ERCC6L2: variants seen among roughly 807,000 people sequenced by gnomAD.
ERCC6L2 encodes ERCC excision repair 6 like 2.
Under a neutral mutation model 132.0 loss-of-function variants are expected in ERCC6L2, and 77 were observed. That is an observed-to-expected ratio of 0.58 (90% CI 0.49 to 0.71). The LOEUF (loss-of-function observed/expected upper bound fraction) is 0.71, where lower values mean the gene tolerates loss of function less well. Ranked by LOEUF, ERCC6L2 falls within the 30% of genes least tolerant of loss-of-function variation. ERCC6L2 has a pLI of 0.00. For synonymous variants in ERCC6L2, 583 were observed against 632.4 expected, an observed-to-expected ratio of 0.92 and a Z score of 1.17; for missense variants, 1,542 against 1,837.6, an observed-to-expected ratio of 0.84 and a Z score of 2.94.
chr9:95,916,965 G>A (rs535303992), intron 6 of ERCC6L2, among the ~76,000 whole-genome samples: 24 of 152,168 alleles, frequency 1.6e-4, no homozygotes, highest in African/African-American at 5.8e-4. Flanking sequence ...AATTACAGGC[G>A]TGAGCCACCG....
At chr9:95,938,775 A>G (rs1830669632) in intron 11 of ERCC6L2, among the ~76,000 whole-genome samples, 3 of 152,152 alleles carry the variant, frequency 2.0e-5, no homozygotes. Context: ...CTACCCTGCC[A>G]ATCTTACGAT....
chr9:96,028,482 C>A (rs1474736330), intron 19 of ERCC6L2, among the ~76,000 whole-genome samples: 1 of 152,172 alleles, frequency 6.6e-6, no homozygotes, highest in African/African-American at 2.4e-5. Context: ...TCTAAAATTC[C>A]TGGGGACCAC....
At chr9:95,894,985 G>T (rs1828375744) in intron 2 of ERCC6L2, among the ~76,000 whole-genome samples, 1 of 152,090 alleles carries the variant, frequency 6.6e-6, no homozygotes, top group South Asian at 2.1e-4. Context: ...TATTCGTTAG[G>T]TGAAGGTTGA....
chr9:95,956,324 A>G (rs1244158425), intron 13 of ERCC6L2, among the ~76,000 whole-genome samples: 2 of 152,120 alleles, frequency 1.3e-5, no homozygotes, highest in South Asian at 2.1e-4. Flanking sequence ...ATTTTTAACT[A>G]GCTCCCAGGA....
chr9:95,914,709 G>A (rs1078852), intron 4 of ERCC6L2, among the ~76,000 whole-genome samples: 3,810 of 152,186 alleles, frequency 0.025, 170 homozygotes, highest in African/African-American at 0.088. Flanking sequence ...ATTATGATTT[G>A]CAATATAGTC....
chr9:95,941,343 T>A, intron 11 of ERCC6L2, 111 bp from the exon 12 acceptor site: 1 of 649,446 alleles, frequency 1.5e-6, no homozygotes, highest in Non-Finnish European at 2.7e-6. Flanking sequence ...TTTGATGAAA[T>A]TAATGCAATA....
intron 13 of ERCC6L2, among the ~76,000 whole-genome samples, chr9:95,957,223 T>C (rs920306624): frequency 2.6e-5 from 4 of 152,290 alleles, no homozygotes; most frequent in Admixed American, 2.0e-4. Flanking sequence ...AAATATTACA[T>C]TTGAATTGCT....
chr9:95,969,794 A>C (rs1832331548), intron 14 of ERCC6L2, among the ~76,000 whole-genome samples: 1 of 152,150 alleles, frequency 6.6e-6, no homozygotes, highest in Non-Finnish European at 1.5e-5. Context: ...ATTGCCCTGG[A>C]TACCAGGTGG....
rs549520774 is a variant in ERCC6L2, at chr9:95,914,320, T to C, written c.789-1348T>C. Among the ~76,000 whole-genome samples the C allele has an allele frequency of 1.4e-3, 220 of 152,332 alleles. 4 individuals are homozygous for C. Among genetic ancestry groups the C allele is most frequent in the Non-Finnish European group, 2.3e-3 (154 of 68,024 alleles). On this transcript the variant is annotated intron_variant, in intron 4 of 18. Transcript: ENST00000653738. ...GGTGTCTATTAGAATCTTTTGCTCA[T>C]GTTTTAATTGGGTTGTTTTAAATTT... is the stretch of plus-strand genomic sequence containing the variant.
At chr9:95,953,861 T>G (rs1831466082) in intron 12 of ERCC6L2, among the ~76,000 whole-genome samples, 1 of 152,142 alleles carries the variant, frequency 6.6e-6, no homozygotes, top group South Asian at 2.1e-4. Flanking sequence ...TAGAAACACT[T>G]AAGCAGAAAG....
At position 95,875,717 on chromosome 9, in the gene ERCC6L2, C is replaced by T. The variant is rs1035502283; in HGVS notation, c.-322C>T. 2.4e-6 allele frequency: 1 copy of T among 422,546 alleles called. No individual in the cohort carries two copies. The allele number at this position is 422,546 out of a possible 1,614,324, so 26.2% of individuals were successfully genotyped here. ...GAGCCTAGGAAGATTTGGGGGTCGCCTTGCCGGCCTCCTGTCCTCCTCCGG... is the reference window on the plus strand; with the variant it reads ...GAGCCTAGGAAGATTTGGGGGTCGCTTTGCCGGCCTCCTGTCCTCCTCCGG... On this transcript the variant is annotated 5_prime_UTR_variant, in exon 1 of 19. Transcript: ENST00000653738.
chr9:95,978,115 G>C lies in ERCC6L2; in HGVS notation c.3392G>C (p.Ser1131Thr). ...TCAAACCAGAATGTAATTGGATCGAGCAAAGCTGAAAATCACATGAGCCGA... is the reference window on the plus strand; with the variant it reads ...TCAAACCAGAATGTAATTGGATCGACCAAAGCTGAAAATCACATGAGCCGA... ...IHSNQNVIGS[S>T]KAENHMSRWA... Residue 1131 changes from serine (S) to threonine (T), a missense_variant, in exon 17 of 19, where the codon AGC becomes ACC. By Grantham distance (58) the Ser-to-Thr change is moderately conservative (BLOSUM62 1). Coordinates refer to ENST00000653738, the MANE Select transcript of ERCC6L2 (RefSeq NM_020207.7). The C allele has an allele frequency of 7.3e-7, 1 of 1,367,388 alleles. No individual in the cohort carries two copies. Among genetic ancestry groups the C allele is most frequent in the East Asian group, 4.5e-5 (1 of 21,980 alleles). 84.7% of individuals were successfully genotyped at this position (1,367,388 alleles called of 1,614,324 possible). A position where few individuals can be genotyped will look rare whatever the true frequency, so the allele number is the denominator to read the frequency against.
chr9:96,005,760 T>A (rs955510593), intron 18 of ERCC6L2, among the ~76,000 whole-genome samples: 7 of 152,094 alleles, frequency 4.6e-5, no homozygotes, highest in African/African-American at 1.7e-4. Flanking sequence ...TGTTGAAGAA[T>A]GGCACGATCT....
At chr9:95,929,942 C>T (rs992409554) in intron 11 of ERCC6L2, among the ~76,000 whole-genome samples, 4 of 152,146 alleles carry the variant, frequency 2.6e-5, no homozygotes, top group African/African-American at 4.8e-5. Flanking sequence ...TGAGATCCTC[C>T]ATAAAGTTCC....
At chr9:96,009,324 C>T (rs756953209) in intron 18 of ERCC6L2, among the ~76,000 whole-genome samples, 8 of 152,206 alleles carry the variant, frequency 5.3e-5, no homozygotes, top group Non-Finnish European at 1.0e-4. Context: ...AACTGTCCAA[C>T]CATGTACATT....
rs1830211526 is a variant in ERCC6L2 at position 95,928,773 on chromosome 9, C to G, written c.1660C>G (p.Leu554Val). The G allele has an allele frequency of 1.2e-6, 2 of 1,613,146 alleles. No individual in the cohort carries two copies. Among genetic ancestry groups the G allele is most frequent in the Non-Finnish European group, 1.7e-6 (2 of 1,179,616 alleles). Reference protein sequence around the residue: ...CMASGLDYRRLDGSTKSEERL... With the variant: ...CMASGLDYRRVDGSTKSEERL... ...GGCGTCTGGGCTTGATTACCGACGA[C>G]TTGATGGAAGTACAAAATCAGAGGA... The change falls in exon 11 of 19, where the codon CTT becomes GTT. Residue 554 changes from leucine (L) to valine (V), a missense_variant. By Grantham distance (32) the Leu-to-Val change is conservative (BLOSUM62 1). This residue lies in a region of ERCC6L2 where 945 missense variants were observed against 1,105.2 expected (regional missense o/e 0.86). Coordinates refer to ENST00000653738, the MANE Select transcript of ERCC6L2 (RefSeq NM_020207.7).
At chr9:95,941,907 C>G (rs1231496053) in intron 12 of ERCC6L2, among the ~76,000 whole-genome samples, 1 of 152,142 alleles carries the variant, frequency 6.6e-6, no homozygotes, top group African/African-American at 2.4e-5. Context: ...AGAAATACTA[C>G]AATCCAAAGT....
chr9:95,943,556 G>A (rs1462156691), intron 12 of ERCC6L2, among the ~76,000 whole-genome samples: 2 of 152,006 alleles, frequency 1.3e-5, no homozygotes, highest in Non-Finnish European at 1.5e-5. Context: ...ACTATCAACA[G>A]AGAAAAAAGG....
At position 96,015,190 on chromosome 9, in the gene ERCC6L2, A is replaced by AT. The variant is rs749397792; in HGVS notation, c.*2002dup. Among the ~76,000 whole-genome samples the AT allele has an allele frequency of 0.035, 4,164 of 118,764 alleles. 221 individuals are homozygous for AT. The highest frequency in any genetic ancestry group is 0.12 in the African/African-American group (3,780 of 31,608). 77.9% of individuals were successfully genotyped at this position (118,764 alleles called of 152,430 possible). A position where few individuals can be genotyped will look rare whatever the true frequency, so the allele number is the denominator to read the frequency against. On this transcript the variant is annotated 3_prime_UTR_variant, in exon 19 of 19. Transcript: ENST00000653738. The stretch of plus-strand genomic sequence containing the variant: ...TGTGTACCACCACACTCAGCTAAAC[A>AT]TTTTTTTTTTTTTTTGAGACGGAGT...
Sources: gnomAD v4.1 joint callset for allele counts (sites outside exome capture counted in the v4.1 genomes callset) on GRCh38, gnomAD v4.1.1 for gene constraint, gnomAD v4.1.1 regional missense constraint, MANE v1.5 for transcripts, NCBI Gene and HGNC (gene_info 2026-07-23, HGNC 2026-07-21) for gene names.